GNA14: variants seen among roughly 807,000 people sequenced by gnomAD.
The protein encoded by GNA14 is G protein subunit alpha 14.
Under a neutral mutation model 42.0 loss-of-function variants are expected in GNA14, and 50 were observed. The ratio of observed to expected loss-of-function variants is 1.19; its 90% confidence interval spans 0.95 to 1.51. The LOEUF (loss-of-function observed/expected upper bound fraction) is 1.51, where lower values mean the gene tolerates loss of function less well. GNA14 is among the 40% of genes most tolerant of loss of function. The pLI is 0.00. For synonymous variants in GNA14, 173 were observed against 163.1 expected, an observed-to-expected ratio of 1.06 and a Z score of -0.46; for missense variants, 473 against 446.2, an observed-to-expected ratio of 1.06 and a Z score of -0.54.
At chr9:77,531,715 T>C (rs912069434) in intron 1 of GNA14, among the ~76,000 whole-genome samples, 1 of 152,198 alleles carries the variant, frequency 6.6e-6, no homozygotes, top group Non-Finnish European at 1.5e-5. Flanking sequence ...AAATCTACAC[T>C]AAGAGAATCT....
intron 1 of GNA14, among the ~76,000 whole-genome samples, chr9:77,635,535 CT>C (rs1485743380): frequency 2.6e-5 from 4 of 151,952 alleles, no homozygotes; most frequent in Admixed American, 2.6e-4. Flanking sequence ...AATAGTTTTG[CT>C]TTGTTTTAAA....
chr9:77,502,655 C>T lies in GNA14; in HGVS notation c.309+26414G>A, dbSNP rs189561025. The stretch of plus-strand genomic sequence containing the variant: ...TGCCTCTCCACTAGGCCTCCTGTGA[C>T]AGCAACCCAGCAGGAGAGGGAGAGA... On this transcript the variant is annotated intron_variant, in intron 2 of 6. Coordinates refer to ENST00000341700, the MANE Select transcript of GNA14 (RefSeq NM_004297.4). Among the ~76,000 whole-genome samples, 117 of 152,292 alleles carry T rather than the reference C, an allele frequency of 7.7e-4. 2 individuals are homozygous for T. Among genetic ancestry groups the T allele is most frequent in the Middle Eastern group, 3.4e-3 (1 of 294 alleles).
chr9:77,643,785 C>G (rs575636926), intron 1 of GNA14, among the ~76,000 whole-genome samples: 1 of 152,160 alleles, frequency 6.6e-6, no homozygotes, highest in African/African-American at 2.4e-5. Flanking sequence ...ACTACCACAA[C>G]AGTTTATACA....
chr9:77,589,645 G>A (rs755021026), intron 1 of GNA14, among the ~76,000 whole-genome samples: 2 of 152,112 alleles, frequency 1.3e-5, no homozygotes, highest in Non-Finnish European at 2.9e-5. Flanking sequence ...CCACCCTCGG[G>A]CTATGGCCTG....
intron 1 of GNA14, among the ~76,000 whole-genome samples, chr9:77,615,128 T>C (rs1192046607): frequency 6.6e-6 from 1 of 152,190 alleles, no homozygotes; most frequent in Non-Finnish European, 1.5e-5. Flanking sequence ...ATGGTTTAGT[T>C]GTTGAAACAA....
Position 77,551,954 on chromosome 9 carries a change from A to G in GNA14, c.125-22701T>C, listed in dbSNP as rs1406567364. Among the ~76,000 whole-genome samples the G allele has an allele frequency of 4.6e-5, 7 of 151,848 alleles. No individual in the cohort carries two copies. In the South Asian group the frequency reaches 1.5e-3, roughly 32 times the overall value. On this transcript the variant is annotated intron_variant, in intron 1 of 6. Transcript: ENST00000341700. The stretch of plus-strand genomic sequence containing the variant: ...CAGGAGTTCGAGACCAGCCTGGCCA[A>G]CGTGGTGAAATCCTGTCTCTATTAA...
intron 2 of GNA14, among the ~76,000 whole-genome samples, chr9:77,458,589 C>T (rs998559284): frequency 9.9e-5 from 15 of 152,248 alleles, no homozygotes; most frequent in East Asian, 3.9e-4. Flanking sequence ...AAACAACAAA[C>T]GCTTTTTTAG....
intron 2 of GNA14, among the ~76,000 whole-genome samples, chr9:77,454,573 C>A (rs1383818167): frequency 8.4e-6 from 1 of 119,164 alleles, no homozygotes; most frequent in East Asian, 2.6e-4. Context: ...AACTGGCCAT[C>A]AGGATTTTTT....
chr9:77,513,327 G>A (rs1224292034), intron 2 of GNA14, among the ~76,000 whole-genome samples: 1 of 152,198 alleles, frequency 6.6e-6, no homozygotes. Flanking sequence ...TTCCCACTCT[G>A]ACATCTGCTA....
chr9:77,574,528 G>C (rs1487687265), intron 1 of GNA14, among the ~76,000 whole-genome samples: 3 of 152,112 alleles, frequency 2.0e-5, no homozygotes, highest in Non-Finnish European at 4.4e-5. Flanking sequence ...GTTTCTCCTT[G>C]CATTTTAAAT....
chr9:77,645,487 T>C (rs1037605101), intron 1 of GNA14, among the ~76,000 whole-genome samples: 23 of 152,166 alleles, frequency 1.5e-4, no homozygotes, highest in Non-Finnish European at 5.9e-5. Context: ...GAAACTATTT[T>C]TCACAGGAAA....
At chr9:77,469,650 A>T (rs1212339629) in intron 2 of GNA14, among the ~76,000 whole-genome samples, 3 of 152,198 alleles carry the variant, frequency 2.0e-5, no homozygotes, top group African/African-American at 7.2e-5. Context: ...CCAAGCATTT[A>T]ATCAGGAATG....
intron 1 of GNA14, among the ~76,000 whole-genome samples, chr9:77,578,191 G>A (rs57542302): frequency 8.5e-5 from 13 of 152,238 alleles, no homozygotes; most frequent in East Asian, 3.9e-4. Context: ...CAGGAGAATC[G>A]CTTGAACCTG....
intron 2 of GNA14, among the ~76,000 whole-genome samples, chr9:77,474,165 C>A (rs1029551473): frequency 6.6e-6 from 1 of 151,928 alleles, no homozygotes; most frequent in Non-Finnish European, 1.5e-5. Context: ...TGGACTACAT[C>A]AAAATTAAAA....
intron 1 of GNA14, among the ~76,000 whole-genome samples, chr9:77,564,907 G>T (rs917168437): frequency 1.3e-5 from 2 of 151,820 alleles, no homozygotes; most frequent in Non-Finnish European, 2.9e-5. Flanking sequence ...GTCCAGGGGC[G>T]TTCTTCCAGG....
Position 77,434,408 on chromosome 9 carries a change from C to A in GNA14, c.424G>T (p.Asp142Tyr). 1.2e-6 allele frequency: 2 copies of A among 1,614,120 alleles called. No individual in the cohort carries two copies. Among genetic ancestry groups the A allele is most frequent in the East Asian group, 4.5e-5 (2 of 44,874 alleles). ...GACAGCTGGTACTCCCTCCTCCTGT[C>A]GTAACACTCCTGGATGCCTGGATCT... Reference protein sequence around the residue: ...WQDPGIQECYDRRREYQLSDS... With the variant: ...WQDPGIQECYYRRREYQLSDS... The change falls in exon 3 of 7, where the codon GAC (aspartate) becomes TAC (tyrosine). Residue 142 changes from aspartate (D) to tyrosine (Y), a missense_variant. Physicochemically the swap from Asp to Tyr is radical, Grantham distance 160 (BLOSUM62 -3). Transcript: ENST00000341700.
chr9:77,590,904 T>A (rs572845106), intron 1 of GNA14, among the ~76,000 whole-genome samples: 30 of 152,210 alleles, frequency 2.0e-4, no homozygotes, highest in African/African-American at 7.2e-4. Flanking sequence ...AGACATATTT[T>A]TATTTTAAAA....
intron 1 of GNA14, among the ~76,000 whole-genome samples, chr9:77,591,831 A>G (rs1417394806): frequency 1.3e-5 from 2 of 151,914 alleles, no homozygotes; most frequent in South Asian, 2.1e-4. Context: ...TAGATTTCCC[A>G]TAATACTTCT....
At chr9:77,437,658 G>T (rs760228348) in intron 2 of GNA14, among the ~76,000 whole-genome samples, 4 of 150,920 alleles carry the variant, frequency 2.7e-5, no homozygotes, top group African/African-American at 4.9e-5. Context: ...AGGAAAGAAA[G>T]AAAGAAACTT....
Sources: gnomAD v4.1 joint callset for allele counts (sites outside exome capture counted in the v4.1 genomes callset) on GRCh38, gnomAD v4.1.1 for gene constraint, MANE v1.5 for transcripts, NCBI Gene and HGNC (gene_info 2026-07-23, HGNC 2026-07-21) for gene names.